XYLT1: variants seen among roughly 807,000 people sequenced by gnomAD.
XYLT1 encodes the protein beta-D-xylosyltransferase 1.
A neutral mutation model predicts 91.3 loss-of-function variants in XYLT1; 36 were observed. The ratio of observed to expected loss-of-function variants is 0.39; its 90% confidence interval spans 0.30 to 0.52. The LOEUF (loss-of-function observed/expected upper bound fraction) is 0.52, where lower values mean the gene tolerates loss of function less well. Among genes scored for constraint, XYLT1 ranks in the 20% least tolerant of loss-of-function variants. The pLI, the probability that XYLT1 is intolerant of heterozygous loss-of-function variation, is 0.68. For missense variants in XYLT1, 1,242 were observed against 1,284.5 expected (o/e 0.97, Z 0.51); for synonymous variants, 588 against 532.0 (o/e 1.11, Z -1.45).
intron 5 of XYLT1, among the ~76,000 whole-genome samples, chr16:17,191,195 C>G (rs990170813): frequency 6.6e-6 from 1 of 152,192 alleles, no homozygotes; most frequent in Non-Finnish European, 1.5e-5. Flanking sequence ...CCTCAGACAT[C>G]CCTGAATTGT....
intron 2 of XYLT1, among the ~76,000 whole-genome samples, chr16:17,289,640 C>T (rs1007836043): frequency 6.6e-6 from 1 of 152,180 alleles, no homozygotes; most frequent in Non-Finnish European, 1.5e-5. Flanking sequence ...CAAGACCCAA[C>T]ATCATCAGGG....
intron 1 of XYLT1, among the ~76,000 whole-genome samples, chr16:17,396,689 G>C (rs1596523839): frequency 6.6e-6 from 1 of 152,162 alleles, no homozygotes; most frequent in African/African-American, 2.4e-5. Context: ...TGGCCAAACA[G>C]TGAAACCCTA....
chr16:17,398,510 T>C (rs2035919153), intron 1 of XYLT1, among the ~76,000 whole-genome samples: 1 of 152,112 alleles, frequency 6.6e-6, no homozygotes, highest in African/African-American at 2.4e-5. Flanking sequence ...AGATGATGGG[T>C]GAACCATGGC....
At position 17,193,139 on chromosome 16, in the gene XYLT1, T is replaced by C. The variant is rs1396350790; in HGVS notation, c.1289+5073A>G. On this transcript the variant is annotated intron_variant, in intron 5 of 11. Transcript: ENST00000261381. ...ACTTTTCCCTCTTTTGACAGAGATG[T>C]GAGTTCAAGAAATACTTTGCTACTC... 3 of 152,130 alleles carry C rather than the reference T, an allele frequency of 2.0e-5. No individual in the cohort carries two copies. The East Asian group carries it at 5.8e-4, about 29-fold the overall frequency. The allele number at this position is 152,130 out of a possible 1,614,324, so 9.4% of individuals were successfully genotyped here. A position where few individuals can be genotyped will look rare whatever the true frequency, so the allele number is the denominator to read the frequency against.
chr16:17,431,510 G>C (rs2036390953), intron 1 of XYLT1, among the ~76,000 whole-genome samples: 1 of 152,186 alleles, frequency 6.6e-6, no homozygotes, highest in Admixed American at 6.5e-5. Context: ...ACACAGTATA[G>C]AAAAGTAATT....
At chr16:17,122,553 C>CTGAT (rs1408119462) in intron 10 of XYLT1, among the ~76,000 whole-genome samples, 4 of 152,212 alleles carry the variant, frequency 2.6e-5, no homozygotes, top group Non-Finnish European at 5.9e-5. Context: ...GTTTACTCTG[C>CTGAT]TGATTATTTC....
intron 2 of XYLT1, among the ~76,000 whole-genome samples, chr16:17,348,584 G>A (rs2035178049): frequency 6.6e-6 from 1 of 152,128 alleles, no homozygotes; most frequent in African/African-American, 2.4e-5. Context: ...GTTGTTATGA[G>A]GAAACGAGGT....
chr16:17,261,446 C>A (rs2033721057), intron 2 of XYLT1, among the ~76,000 whole-genome samples: 1 of 152,108 alleles, frequency 6.6e-6, no homozygotes, highest in South Asian at 2.1e-4. Flanking sequence ...GGTCACCCAG[C>A]TAGTTGGCGG....
chr16:17,198,752 A>G (rs930129806), intron 4 of XYLT1, among the ~76,000 whole-genome samples: 9 of 151,920 alleles, frequency 5.9e-5, no homozygotes, highest in Non-Finnish European at 1.3e-4. Context: ...GTCTTGCTTT[A>G]TTTATTTACT....
In XYLT1 at chr16:17,181,895, T is replaced by A. The variant is rs184377581; in HGVS notation, c.1289+16317A>T. The stretch of plus-strand genomic sequence containing the variant: ...TCTCCCTGGTGGATTCAACCATCTC[T>A]CCTTGCTTTGTATCCATCAGTATGA... On this transcript the variant is annotated intron_variant, in intron 5 of 11. Coordinates refer to ENST00000261381, the MANE Select transcript of XYLT1 (RefSeq NM_022166.4). Among the ~76,000 whole-genome samples, 306 of 152,264 alleles carry A rather than the reference T, an allele frequency of 2.0e-3. 1 individual carries two copies. Among genetic ancestry groups the A allele is most frequent in the African/African-American group, 7.1e-3 (297 of 41,550 alleles).
intron 2 of XYLT1, among the ~76,000 whole-genome samples, chr16:17,262,882 C>T (rs2033744685): frequency 6.6e-6 from 1 of 152,178 alleles, no homozygotes; most frequent in African/African-American, 2.4e-5. Context: ...CAGGAGCTAA[C>T]CTGATCTCCT....
chr16:17,138,234 A>G, intron 8 of XYLT1, 121 bp downstream of exon 8: 1 of 1,166,336 alleles, frequency 8.6e-7, no homozygotes, highest in Admixed American at 2.3e-5. Flanking sequence ...ATTATTAATT[A>G]TCAACAGCCA....
intron 1 of XYLT1, among the ~76,000 whole-genome samples, chr16:17,406,504 G>A (rs571577668): frequency 4.5e-4 from 69 of 152,318 alleles, no homozygotes; most frequent in African/African-American, 1.5e-3. Flanking sequence ...GTTGGTTTCC[G>A]TCACTCACAG....
chr16:17,174,345 T>C (rs764849230), intron 5 of XYLT1, among the ~76,000 whole-genome samples: 3 of 152,130 alleles, frequency 2.0e-5, no homozygotes, highest in East Asian at 1.9e-4. Context: ...CTACTCACAA[T>C]AGCCCAAAGT....
At chr16:17,256,669 G>C (rs1488057048) in intron 3 of XYLT1, among the ~76,000 whole-genome samples, 1 of 142,172 alleles carries the variant, frequency 7.0e-6, no homozygotes, top group Non-Finnish European at 1.5e-5. Flanking sequence ...ACAAAAAAAA[G>C]AGTAGCGAAT....
chr16:17,210,502 A>T (rs2032737058), intron 3 of XYLT1, among the ~76,000 whole-genome samples: 1 of 152,140 alleles, frequency 6.6e-6, no homozygotes, highest in Admixed American at 6.5e-5. Context: ...GCTTGAACCC[A>T]GGAGGCGGAG....
At chr16:17,255,646 G>A (rs977655859) in intron 3 of XYLT1, among the ~76,000 whole-genome samples, 10 of 152,136 alleles carry the variant, frequency 6.6e-5, no homozygotes, top group Admixed American at 3.9e-4. Context: ...GAACCACCTC[G>A]ACCACTTAGA....
chr16:17,334,731 A>C (rs984107722), intron 2 of XYLT1, among the ~76,000 whole-genome samples: 2 of 152,108 alleles, frequency 1.3e-5, no homozygotes, highest in Non-Finnish European at 2.9e-5. Context: ...AAAATACAAA[A>C]AATTAGCCAG....
intron 1 of XYLT1, among the ~76,000 whole-genome samples, chr16:17,425,821 A>G (rs2036311104): frequency 6.6e-6 from 1 of 152,070 alleles, no homozygotes; most frequent in African/African-American, 2.4e-5. Context: ...CAAATACCTT[A>G]AATACATCCT....
Sources: gnomAD v4.1 joint callset for allele counts (sites outside exome capture counted in the v4.1 genomes callset) on GRCh38, gnomAD v4.1.1 for gene constraint, MANE v1.5 for transcripts, NCBI Gene and HGNC (gene_info 2026-07-23, HGNC 2026-07-21) for gene names.